DOCK1: variants seen among roughly 807,000 people sequenced by gnomAD.
The protein encoded by DOCK1 is dedicator of cytokinesis 1.
A neutral mutation model predicts 262.7 loss-of-function variants in DOCK1; 138 were observed. The ratio of observed to expected loss-of-function variants is 0.53; its 90% confidence interval spans 0.46 to 0.61. The LOEUF (loss-of-function observed/expected upper bound fraction) is 0.61, where lower values mean the gene tolerates loss of function less well. Among genes scored for constraint, DOCK1 ranks in the 20% least tolerant of loss-of-function variants. DOCK1 has a pLI of 0.00. For missense variants in DOCK1, 1,908 were observed against 2,370.7 expected, an observed-to-expected ratio of 0.80 and a Z score of 4.05; for synonymous variants, 866 against 867.4, an observed-to-expected ratio of 1.00 and a Z score of 0.03.
intron 25 of DOCK1, among the ~76,000 whole-genome samples, chr10:127,119,341 C>T (rs1233713487): frequency 3.2e-4 from 49 of 152,174 alleles, no homozygotes; most frequent in South Asian, 2.1e-4. Flanking sequence ...CCACCGCGCC[C>T]GGCCGGAATA....
intron 29 of DOCK1, among the ~76,000 whole-genome samples, chr10:127,333,184 T>A (rs2063057516): frequency 6.6e-6 from 1 of 152,202 alleles, no homozygotes; most frequent in Non-Finnish European, 1.5e-5. Context: ...CCAAGGGATT[T>A]AAATGCCCTC....
chr10:127,388,790 C>G (rs1037174090), intron 38 of DOCK1, among the ~76,000 whole-genome samples: 1 of 152,204 alleles, frequency 6.6e-6, no homozygotes, highest in African/African-American at 2.4e-5. Context: ...TCACCCCAGA[C>G]TTCAAGGGGT....
At chr10:127,031,573 C>A in intron 16 of DOCK1, 77 bp from the exon 17 acceptor site, 1 of 1,141,868 alleles carries the variant, frequency 8.8e-7, no homozygotes, top group East Asian at 2.4e-5. Context: ...TAAAGGTAGC[C>A]TTTGTAGCTT....
intron 27 of DOCK1, chr10:127,137,727 G>A: frequency 3.0e-6 from 3 of 993,544 alleles, no homozygotes; most frequent in Non-Finnish European, 4.4e-6. Context: ...GAAGTGGGAG[G>A]TGCCTGAATG....
intron 31 of DOCK1, among the ~76,000 whole-genome samples, chr10:127,345,322 G>T (rs968200804): frequency 6.6e-6 from 1 of 152,002 alleles, no homozygotes; most frequent in Admixed American, 6.6e-5. Context: ...TTAGGCCCTC[G>T]TATCTGCCCT....
chr10:126,990,104 G>GACTT (rs1264622278), intron 5 of DOCK1, among the ~76,000 whole-genome samples: 2 of 152,302 alleles, frequency 1.3e-5, no homozygotes, highest in African/African-American at 4.8e-5. Flanking sequence ...AGGAGCTTTA[G>GACTT]ACTTGCCCAT....
At chr10:127,140,352 C>A (rs1314890977) in intron 27 of DOCK1, among the ~76,000 whole-genome samples, 3 of 152,172 alleles carry the variant, frequency 2.0e-5, no homozygotes, top group Non-Finnish European at 4.4e-5. Flanking sequence ...CCCTGGGAAT[C>A]TGCAACCAGA....
At chr10:126,939,648 A>G (rs1479091743) in intron 1 of DOCK1, among the ~76,000 whole-genome samples, 2 of 152,308 alleles carry the variant, frequency 1.3e-5, no homozygotes, top group East Asian at 3.9e-4. Context: ...GGCGTGAGCC[A>G]CCGCGCCTGA....
chr10:127,083,572 AT>A (rs1179259327), intron 23 of DOCK1, among the ~76,000 whole-genome samples: 1 of 152,248 alleles, frequency 6.6e-6, no homozygotes, highest in Non-Finnish European at 1.5e-5. Flanking sequence ...ACAGAGTGGA[AT>A]AATTTGAATT....
At chr10:127,131,755 G>A (rs968785024) in intron 27 of DOCK1, among the ~76,000 whole-genome samples, 2 of 152,184 alleles carry the variant, frequency 1.3e-5, no homozygotes, top group African/African-American at 4.8e-5. Context: ...TTAATCAGTA[G>A]ACCTTCTAGA....
chr10:127,306,015 T>G (rs1204655070), intron 29 of DOCK1, among the ~76,000 whole-genome samples: 1 of 104,794 alleles, frequency 9.5e-6, no homozygotes, highest in Non-Finnish European at 1.9e-5. Context: ...TTTTTCCTGG[T>G]TTTTTTTTTT....
At chr10:127,418,848 G>A (rs556116198) in intron 45 of DOCK1, among the ~76,000 whole-genome samples, 78 of 152,346 alleles carry the variant, frequency 5.1e-4, no homozygotes, top group Middle Eastern at 3.4e-3. Context: ...GATCTTACAG[G>A]CCAAAAGATA....
chr10:126,914,774 A>G (rs1239385016), intron 1 of DOCK1, among the ~76,000 whole-genome samples: 5 of 152,086 alleles, frequency 3.3e-5, no homozygotes, highest in Non-Finnish European at 7.4e-5. Context: ...CAGCCCCAAC[A>G]TTTTGCTGGC....
intron 29 of DOCK1, among the ~76,000 whole-genome samples, chr10:127,288,546 T>A (rs545024167): frequency 1.1e-4 from 16 of 152,070 alleles, no homozygotes; most frequent in Admixed American, 7.2e-4. Context: ...GGAAAAAAAA[T>A]CAACATGAAT....
intron 30 of DOCK1, among the ~76,000 whole-genome samples, 162 bp from the exon 31 acceptor site, chr10:127,343,484 C>T (rs2063511656): frequency 6.6e-6 from 1 of 152,078 alleles, no homozygotes; most frequent in African/African-American, 2.4e-5. Context: ...GCCTGAATTA[C>T]ACCGTGGGTG....
intron 1 of DOCK1, among the ~76,000 whole-genome samples, chr10:126,919,714 G>A (rs956347800): frequency 5.3e-5 from 8 of 152,202 alleles, no homozygotes; most frequent in African/African-American, 1.9e-4. Context: ...GTTGCTCTCT[G>A]CAGTTCTGCG....
intron 29 of DOCK1, among the ~76,000 whole-genome samples, chr10:127,292,228 GA>G (rs1318198292): frequency 4.8e-5 from 7 of 146,460 alleles, no homozygotes; most frequent in South Asian, 2.1e-4. Flanking sequence ...GTTTTCGGGG[GA>G]GGGGGGGCCC....
chr10:127,337,248 G>A (rs376529664), intron 29 of DOCK1, among the ~76,000 whole-genome samples: 71 of 152,242 alleles, frequency 4.7e-4, no homozygotes, highest in Middle Eastern at 3.4e-3. Context: ...CATCCTCAGA[G>A]GCTCTCTCAA....
intron 26 of DOCK1, among the ~76,000 whole-genome samples, chr10:127,127,264 T>G (rs552149392): frequency 6.6e-6 from 1 of 152,378 alleles, no homozygotes; most frequent in South Asian, 2.1e-4. Context: ...CTATCCTGTG[T>G]GACTGTTTAA....
Sources: allele counts gnomAD v4.1 joint callset (sites outside exome capture counted in the v4.1 genomes callset), GRCh38; gene constraint gnomAD v4.1.1; transcripts MANE v1.5; gene names NCBI Gene and HGNC (gene_info 2026-07-23, HGNC 2026-07-21).